PRLR: variants seen among roughly 807,000 people sequenced by gnomAD.
PRLR encodes hPRL receptor.
A neutral mutation model predicts 40.2 loss-of-function variants in PRLR; 13 were observed. The observed-to-expected ratio is 0.32, with a 90% CI of 0.21 to 0.51. PRLR has a LOEUF of 0.51. PRLR is among the 20% of genes least tolerant of loss of function. The pLI is 0.97. For synonymous variants in PRLR, 269 were observed against 278.7 expected, an observed-to-expected ratio of 0.97 and a Z score of 0.35; for missense variants, 656 against 747.3, an observed-to-expected ratio of 0.88 and a Z score of 1.42.
At chr5:35,121,819 G>A (rs988808198) in intron 1 of PRLR, among the ~76,000 whole-genome samples, 1 of 152,148 alleles carries the variant, frequency 6.6e-6, no homozygotes, top group African/African-American at 2.4e-5. Context: ...CAAAGGCTGT[G>A]CTCCAACCAC....
rs1056759540 is a variant in PRLR, at chr5:35,230,354, C to G, written c.-192G>C. 6.6e-6 allele frequency: 1 copy of G among 152,240 alleles called. No homozygotes were observed. Among genetic ancestry groups the G allele is most frequent in the African/African-American group, 2.4e-5 (1 of 41,444 alleles). The allele number at this position is 152,240 out of a possible 1,614,324, so 9.4% of individuals were successfully genotyped here. A position where few individuals can be genotyped will look rare whatever the true frequency, so the allele number is the denominator to read the frequency against. ...AGCTCCATTGTGTGGAAAGCTGTTT[C>G]GCGAACGGTCGGTAAAATCCAGAAA... On this transcript the variant is annotated 5_prime_UTR_variant, in exon 1 of 10. Transcript: ENST00000618457.
chr5:35,074,526 TG>T (rs1769949709), intron 5 of PRLR, among the ~76,000 whole-genome samples: 7 of 147,696 alleles, frequency 4.7e-5, no homozygotes, highest in African/African-American at 1.6e-4. Context: ...TATATATATA[TG>T]AAATATCCAG....
At chr5:35,134,978 TG>T (rs1773807812) in intron 1 of PRLR, among the ~76,000 whole-genome samples, 1 of 152,168 alleles carries the variant, frequency 6.6e-6, no homozygotes, top group African/African-American at 2.4e-5. Context: ...TCTATAACAT[TG>T]GACTGAGGAA....
At chr5:35,095,763 T>C (rs892163951) in intron 2 of PRLR, among the ~76,000 whole-genome samples, 3 of 152,256 alleles carry the variant, frequency 2.0e-5, no homozygotes, top group Non-Finnish European at 4.4e-5. Context: ...GGTTTCCATC[T>C]TGTACCCTGT....
intron 1 of PRLR, among the ~76,000 whole-genome samples, chr5:35,221,862 T>C (rs534009544): frequency 6.6e-6 from 1 of 152,342 alleles, no homozygotes; most frequent in African/African-American, 2.4e-5. Flanking sequence ...ATGGTACAAA[T>C]TGACCTATCT....
At position 35,070,340 on chromosome 5, in the gene PRLR, A is replaced by T. The variant is rs533375163; in HGVS notation, c.544-75T>A. On this transcript the variant is annotated intron_variant, in intron 6 of 9. Transcript: ENST00000618457. Reference sequence around the variant, plus strand: ...GAAAGAGAGTTTTCCCCTAAAAAATAAACTAAGTTAGGCTGAACAATCATA... The same window carrying T: ...GAAAGAGAGTTTTCCCCTAAAAAATTAACTAAGTTAGGCTGAACAATCATA... 3.8e-5 allele frequency: 57 copies of T among 1,510,586 alleles called. No homozygotes were observed. In the African/African-American group the frequency reaches 7.5e-4, roughly 20 times the overall value. 93.6% of individuals were successfully genotyped at this position (1,510,586 alleles called of 1,614,324 possible). A position where few individuals can be genotyped will look rare whatever the true frequency, so the allele number is the denominator to read the frequency against.
At chr5:35,197,091 G>A (rs1324356357) in intron 1 of PRLR, among the ~76,000 whole-genome samples, 1 of 152,154 alleles carries the variant, frequency 6.6e-6, no homozygotes, top group Non-Finnish European at 1.5e-5. Flanking sequence ...GGGTAGAGAG[G>A]TGTAGGTTCT....
In PRLR at chr5:35,065,598, C is replaced by T. The variant is rs746442979; in HGVS notation, c.1360G>A (p.Ala454Thr). ...AGAPATLLNEAGKDALKSSQT... is the reference protein window; with the variant it reads ...AGAPATLLNETGKDALKSSQT... ...GAGGATTTTAAAGCATCTTTACCTG[C>T]TTCATTCAACAGAGTGGCCGGTGCA... Residue 454 changes from alanine to threonine, a missense_variant, in exon 10 of 10, where the codon GCA (alanine) becomes ACA (threonine). This residue lies in a region of PRLR where 469 missense variants were observed against 491.5 expected (regional missense o/e 0.95). Coordinates refer to ENST00000618457, the MANE Select transcript of PRLR (RefSeq NM_000949.7). 49 of 1,613,990 alleles carry T rather than the reference C, an allele frequency of 3.0e-5. No homozygotes were observed. In the East Asian group the frequency reaches 1.1e-3, roughly 36 times the overall value.
intron 1 of PRLR, among the ~76,000 whole-genome samples, chr5:35,167,445 C>T (rs1261797814): frequency 1.3e-5 from 2 of 151,812 alleles, no homozygotes; most frequent in African/African-American, 2.4e-5. Context: ...AGAAAGTGAG[C>T]CCAGACTAAA....
chr5:35,149,808 G>A (rs1354749162), intron 1 of PRLR, among the ~76,000 whole-genome samples: 1 of 151,950 alleles, frequency 6.6e-6, no homozygotes, highest in Non-Finnish European at 1.5e-5. Flanking sequence ...TTAATCGAGA[G>A]TAAGAGTGAT....
intron 1 of PRLR, among the ~76,000 whole-genome samples, chr5:35,131,497 A>G (rs1372196959): frequency 6.6e-6 from 1 of 152,164 alleles, no homozygotes; most frequent in African/African-American, 2.4e-5. Context: ...GGCAAAAGGC[A>G]TGCAGTTTAT....
intron 1 of PRLR, among the ~76,000 whole-genome samples, chr5:35,119,806 C>T (rs951406866): frequency 1.3e-5 from 2 of 152,068 alleles, no homozygotes; most frequent in Non-Finnish European, 1.5e-5. Flanking sequence ...GAGGGGTCAG[C>T]GAGGGAGTGG....
intron 2 of PRLR, among the ~76,000 whole-genome samples, chr5:35,100,647 CT>C (rs767581912): frequency 2.0e-5 from 3 of 152,152 alleles, no homozygotes; most frequent in Non-Finnish European, 2.9e-5. Context: ...TGTAAGTACA[CT>C]TTATGATGTT....
exon 9 of PRLR, chr5:35,048,756 G>T: frequency 4.9e-6 from 1 of 203,404 alleles, no homozygotes; most frequent in Non-Finnish European, 1.0e-5. Context: ...TTTCTTTTCA[G>T]TTAGAACCAT....
chr5:35,212,745 G>A (rs1776202161), intron 1 of PRLR, among the ~76,000 whole-genome samples: 3 of 152,104 alleles, frequency 2.0e-5, no homozygotes, highest in Admixed American at 6.6e-5. Flanking sequence ...ATCCCCTAGC[G>A]AATTTAAAGT....
intron 1 of PRLR, among the ~76,000 whole-genome samples, chr5:35,153,480 A>G (rs1037673640): frequency 1.3e-5 from 2 of 152,204 alleles, no homozygotes; most frequent in African/African-American, 4.8e-5. Flanking sequence ...CACAAAAGCC[A>G]TATGTAAAAC....
chr5:35,131,714 A>G (rs1300735985), intron 1 of PRLR, among the ~76,000 whole-genome samples: 1 of 152,102 alleles, frequency 6.6e-6, no homozygotes, highest in Non-Finnish European at 1.5e-5. Flanking sequence ...ATTTGGGTGC[A>G]TCTGCCACAC....
chr5:35,055,857 C>T lies in PRLR; in HGVS notation c.*9232G>A, dbSNP rs570817606. 35 of 152,240 alleles carry T rather than the reference C, an allele frequency of 2.3e-4. No homozygotes were observed. The highest frequency in any genetic ancestry group is 6.7e-4 in the African/African-American group (28 of 41,550). The allele number at this position is 152,240 out of a possible 1,614,324, so 9.4% of individuals were successfully genotyped here. ...TATATAAAGTAAAACTACTGGCAAA[C>T]GTCATTTAAGCTTACCCTGTAATTT... On this transcript the variant is annotated 3_prime_UTR_variant, in exon 10 of 10. Coordinates refer to ENST00000618457, the MANE Select transcript of PRLR (RefSeq NM_000949.7).
At chr5:35,128,289 G>A (rs902095822) in intron 1 of PRLR, among the ~76,000 whole-genome samples, 3 of 149,576 alleles carry the variant, frequency 2.0e-5, no homozygotes, top group African/African-American at 4.9e-5. Flanking sequence ...AAGGACTTGC[G>A]CATCTGTGGA....
Sources: gnomAD v4.1 joint callset for allele counts (sites outside exome capture counted in the v4.1 genomes callset) on GRCh38, gnomAD v4.1.1 for gene constraint, gnomAD v4.1.1 regional missense constraint, MANE v1.5 for transcripts, NCBI Gene and HGNC (gene_info 2026-07-23, HGNC 2026-07-21) for gene names.